Variants in DMRT1 observed in about 807,000 individuals in gnomAD.
DMRT1 encodes the protein doublesex and mab-3 related transcription factor 1.
Under a neutral mutation model 32.3 loss-of-function variants are expected in DMRT1, and 7 were observed. The observed-to-expected ratio is 0.22, with a 90% CI of 0.12 to 0.41. The LOEUF is 0.41. DMRT1 is among the 10% of genes least tolerant of loss of function. The pLI, the probability that DMRT1 is intolerant of heterozygous loss-of-function variation, is 1.00. For synonymous variants in DMRT1, 278 were observed against 206.1 expected (o/e 1.35, Z -2.99); for missense variants, 625 against 500.5 (o/e 1.25, Z -2.37).
At chr9:933,627 C>G (rs1818795343) in intron 4 of DMRT1, among the ~76,000 whole-genome samples, 1 of 152,204 alleles carries the variant, frequency 6.6e-6, no homozygotes, top group African/African-American at 2.4e-5. Flanking sequence ...CCATCCAGTA[C>G]AGCAGCTACC....
intron 2 of DMRT1, among the ~76,000 whole-genome samples, chr9:879,039 A>C (rs892591097): frequency 6.6e-6 from 1 of 152,160 alleles, no homozygotes; most frequent in Non-Finnish European, 1.5e-5. Context: ...CATAAGGATA[A>C]AGCCAGAGCT....
intron 4 of DMRT1, among the ~76,000 whole-genome samples, chr9:954,173 A>G (rs1009255849): frequency 2.0e-5 from 3 of 152,130 alleles, no homozygotes; most frequent in African/African-American, 7.2e-5. Flanking sequence ...GAAGTGGGCA[A>G]TCAGATTGCT....
chr9:957,697 C>T (rs1197407475), intron 4 of DMRT1, among the ~76,000 whole-genome samples: 1 of 152,206 alleles, frequency 6.6e-6, no homozygotes, highest in Admixed American at 6.5e-5. Flanking sequence ...CTGGTATTTG[C>T]TTCCTCCTTC....
At chr9:866,534 A>C (rs1052229235) in intron 2 of DMRT1, among the ~76,000 whole-genome samples, 1 of 152,146 alleles carries the variant, frequency 6.6e-6, no homozygotes, top group Non-Finnish European at 1.5e-5. Context: ...AACACTCTCA[A>C]AACTTGTGTT....
chr9:866,499 A>G (rs1815996184), intron 2 of DMRT1, among the ~76,000 whole-genome samples: 1 of 142,740 alleles, frequency 7.0e-6, no homozygotes, highest in Non-Finnish European at 1.5e-5. Context: ...TAAAGTGTTT[A>G]GTTTCAGAAG....
At chr9:966,058 C>T (rs73382420) in intron 4 of DMRT1, among the ~76,000 whole-genome samples, 6,270 of 152,202 alleles carry the variant, frequency 0.041, 437 homozygotes, top group African/African-American at 0.14. Context: ...AGCTCTTAGT[C>T]GGCTCTCCAG....
chr9:959,972 C>G (rs1819719508), intron 4 of DMRT1, among the ~76,000 whole-genome samples: 3 of 152,224 alleles, frequency 2.0e-5, no homozygotes, highest in African/African-American at 7.2e-5. Context: ...ACTATGTGCT[C>G]TGCACTGTGC....
chr9:876,806 C>T (rs557946510), intron 2 of DMRT1, among the ~76,000 whole-genome samples: 1 of 152,190 alleles, frequency 6.6e-6, no homozygotes, highest in Non-Finnish European at 1.5e-5. Context: ...GCTGAGATTA[C>T]AGGCATGACC....
At chr9:884,104 T>C (rs1177672980) in intron 2 of DMRT1, among the ~76,000 whole-genome samples, 1 of 152,158 alleles carries the variant, frequency 6.6e-6, no homozygotes, top group Non-Finnish European at 1.5e-5. Context: ...GAAACTGTGA[T>C]GTTTGGTTTT....
At chr9:843,971 C>T (rs1838798047) in intron 1 of DMRT1, among the ~76,000 whole-genome samples, 1 of 149,578 alleles carries the variant, frequency 6.7e-6, no homozygotes, top group African/African-American at 2.5e-5. Flanking sequence ...TAAAATGCAT[C>T]ACAATGAGTT....
chr9:892,030 T>C (rs1817171451), intron 2 of DMRT1, among the ~76,000 whole-genome samples: 1 of 151,836 alleles, frequency 6.6e-6, no homozygotes, highest in Non-Finnish European at 1.5e-5. Flanking sequence ...TTCACTGGAG[T>C]CATCTCTTTG....
At chr9:902,256 G>T (rs12336792) in intron 3 of DMRT1, among the ~76,000 whole-genome samples, 11,795 of 143,752 alleles carry the variant, frequency 0.082, 806 homozygotes, top group African/African-American at 0.18. Context: ...ATGGTGGGAT[G>T]TTTTTTGTTA....
intron 2 of DMRT1, among the ~76,000 whole-genome samples, chr9:878,208 C>CT (rs943231432): frequency 1.6e-5 from 2 of 124,788 alleles, no homozygotes; most frequent in African/African-American, 6.1e-5. Flanking sequence ...CTGCCCCCCC[C>CT]CCACCCAATA....
intron 2 of DMRT1, among the ~76,000 whole-genome samples, chr9:878,141 T>A (rs73639460): frequency 6.6e-6 from 1 of 151,730 alleles, no homozygotes; most frequent in East Asian, 1.9e-4. Context: ...GGAATGAACA[T>A]TGAATAGCAC....
chr9:912,282 G>A (rs1489219100), intron 3 of DMRT1, among the ~76,000 whole-genome samples: 4 of 152,190 alleles, frequency 2.6e-5, no homozygotes, highest in Non-Finnish European at 5.9e-5. Context: ...TTTGACACGT[G>A]GAGATTACGG....
At chr9:943,699 G>A (rs774780181) in intron 4 of DMRT1, among the ~76,000 whole-genome samples, 2 of 152,140 alleles carry the variant, frequency 1.3e-5, no homozygotes, top group Non-Finnish European at 2.9e-5. Context: ...GGTCAGGGAG[G>A]AGTGTTGGAA....
chr9:942,407 G>A (rs1442394220), intron 4 of DMRT1, among the ~76,000 whole-genome samples: 1 of 152,124 alleles, frequency 6.6e-6, no homozygotes, highest in Non-Finnish European at 1.5e-5. Flanking sequence ...CTGAGTAGCT[G>A]GGACTACAGG....
intron 4 of DMRT1, among the ~76,000 whole-genome samples, chr9:927,322 C>G (rs1456251214): frequency 6.6e-6 from 1 of 152,226 alleles, no homozygotes; most frequent in Non-Finnish European, 1.5e-5. Flanking sequence ...CATTCATCAT[C>G]CAGGTGCCGT....
chr9:854,296 T>G (rs1287555398), intron 2 of DMRT1, among the ~76,000 whole-genome samples: 1 of 152,058 alleles, frequency 6.6e-6, no homozygotes, highest in African/African-American at 2.4e-5. Context: ...TTAATTTATT[T>G]ATTTTTGGGA....
Sources: gnomAD v4.1 joint callset for allele counts (sites outside exome capture counted in the v4.1 genomes callset) on GRCh38, gnomAD v4.1.1 for gene constraint, MANE v1.5 for transcripts, NCBI Gene and HGNC (gene_info 2026-07-23, HGNC 2026-07-21) for gene names.